Variants in CFAP47 observed in about 807,000 individuals in gnomAD.
CFAP47 encodes the protein cilia and flagella associated protein 47, also known as cilia- and flagella-associated protein 47.
Under a neutral mutation model 148.1 loss-of-function variants are expected in CFAP47, and 29 were observed. The observed-to-expected ratio is 0.20, with a 90% confidence interval of 0.15 to 0.27. The LOEUF (loss-of-function observed/expected upper bound fraction) is 0.27. Among genes scored for constraint, CFAP47 ranks in the 10% least tolerant of loss-of-function variants. The probability of loss-of-function intolerance (pLI) is 1.00; values close to 1 mark genes in which losing one functional copy is unlikely to be tolerated. For missense variants in CFAP47, 1,872 were observed against 1,697.5 expected (o/e 1.10, Z -1.81); for synonymous variants, 664 against 577.3 (o/e 1.15, Z -2.15).
intron 57 of CFAP47, among the ~76,000 whole-genome samples, chrX:36,327,416 G>A (rs1286467705): frequency 8.9e-6 from 1 of 111,835 alleles, no homozygotes; most frequent in Non-Finnish European, 1.9e-5. Context: ...CCACAAGGCC[G>A]TACCATCTCA....
At chrX:35,924,397 A>G (rs1437968824) in intron 1 of CFAP47, among the ~76,000 whole-genome samples, 2 of 104,497 alleles carry the variant, frequency 1.9e-5, no homozygotes, top group African/African-American at 7.5e-5. Context: ...ATGTGTATAT[A>G]TGCACACACA....
At chrX:36,122,584 A>G (rs1938764314) in intron 33 of CFAP47, among the ~76,000 whole-genome samples, 1 of 111,745 alleles carries the variant, frequency 8.9e-6, no homozygotes, top group African/African-American at 3.3e-5. Flanking sequence ...CTGCTATTAA[A>G]GGACTTTGAT....
chrX:36,326,488 A>ATGGC (rs1244232482), intron 57 of CFAP47, among the ~76,000 whole-genome samples: 1 of 112,067 alleles, frequency 8.9e-6, no homozygotes, highest in South Asian at 3.7e-4. Context: ...AACTTGTTGA[A>ATGGC]TGGCTTTGAT....
At chrX:36,141,802 A>AT (rs201809166) in intron 35 of CFAP47, among the ~76,000 whole-genome samples, 11,652 of 111,446 alleles carry the variant, frequency 0.1, 1,206 homozygotes, top group African/African-American at 0.32. Context: ...TGACCTACAG[A>AT]GTGTTTTAGG....
chrX:36,138,132 T>C (rs1260650335), intron 34 of CFAP47, 77 bp downstream of exon 34: 4 of 549,906 alleles, frequency 7.3e-6, no homozygotes, highest in Non-Finnish European at 1.2e-5. Flanking sequence ...GTGTATTTTC[T>C]GTAAACAGAT....
At chrX:36,145,572 G>A (rs892022496) in intron 36 of CFAP47, among the ~76,000 whole-genome samples, 1 of 111,866 alleles carries the variant, frequency 8.9e-6, no homozygotes, top group Non-Finnish European at 1.9e-5. Context: ...GCAATGAAAT[G>A]ATGACTCTTT....
At chrX:36,088,424 G>T in intron 30 of CFAP47, among the ~76,000 whole-genome samples, 1 of 111,274 alleles carries the variant, frequency 9.0e-6, no homozygotes, top group Non-Finnish European at 1.9e-5. Context: ...CTTAAAGGAT[G>T]TTATTAAGGT....
chrX:36,115,788 G>A (rs1938630270), intron 33 of CFAP47, among the ~76,000 whole-genome samples: 1 of 111,592 alleles, frequency 9.0e-6, no homozygotes, highest in Admixed American at 9.5e-5. Context: ...CATTTCCATA[G>A]CATTCCTGTG....
chrX:36,053,382 C>A (rs1324069545), intron 26 of CFAP47, among the ~76,000 whole-genome samples: 1 of 111,700 alleles, frequency 9.0e-6, no homozygotes, highest in African/African-American at 3.3e-5. Flanking sequence ...ATCTTAGTAT[C>A]CATTTAATTG....
At chrX:36,374,872 G>C in intron 62 of CFAP47, 1 of 1,041,313 alleles carries the variant, frequency 9.6e-7, no homozygotes, top group Non-Finnish European at 1.3e-6. Flanking sequence ...AGCTGAGGTT[G>C]TCAGTATAAT....
intron 48 of CFAP47, among the ~76,000 whole-genome samples, chrX:36,239,175 T>C (rs886894509): frequency 1.8e-5 from 2 of 112,062 alleles, no homozygotes; most frequent in Non-Finnish European, 1.9e-5. Flanking sequence ...AATTATATAA[T>C]AAAGAAGACA....
At chrX:36,051,831 A>G (rs1185107840) in intron 26 of CFAP47, among the ~76,000 whole-genome samples, 1 of 111,243 alleles carries the variant, frequency 9.0e-6, no homozygotes, top group Non-Finnish European at 1.9e-5. Flanking sequence ...TGTAGCTCCC[A>G]TAATCCCCAT....
chrX:36,151,970 G>C (rs756906025), intron 37 of CFAP47, among the ~76,000 whole-genome samples: 2 of 111,033 alleles, frequency 1.8e-5, no homozygotes, highest in Non-Finnish European at 3.8e-5. Context: ...GTGTCTTCAC[G>C]TGGTGGTAGG....
In CFAP47 at chrX:36,149,240, A is replaced by G. The variant is rs1939275666; in HGVS notation, c.5786+17A>G. 6.9e-6 allele frequency: 2 copies of G among 290,595 alleles called. No homozygotes were observed. Among genetic ancestry groups the G allele is most frequent in the Middle Eastern group, 9.0e-4 (1 of 1,107 alleles). The allele number at this position is 290,595 out of a possible 1,213,427, so 23.9% of individuals were successfully genotyped here. A position where few individuals can be genotyped will look rare whatever the true frequency, so the allele number is the denominator to read the frequency against. The stretch of plus-strand genomic sequence containing the variant: ...TTCTCCAAGGTAAGTATTTTTTTTA[A>G]TTTTACATTATCAGACATATCAACC... On this transcript the variant is annotated intron_variant, in intron 37 of 63. Coordinates refer to ENST00000378653, the MANE Select transcript of CFAP47 (RefSeq NM_001304548.2).
chrX:36,169,938 A>C (rs149668927), intron 39 of CFAP47, among the ~76,000 whole-genome samples: 1,354 of 112,198 alleles, frequency 0.012, 41 homozygotes, highest in Admixed American at 0.09. Flanking sequence ...TCCAGGAAGC[A>C]GCAAGACAGG....
At chrX:35,990,128 TATTCATTTGTTTGTC>T (rs1235632061) in intron 16 of CFAP47, 1 of 112,138 alleles carries the variant, frequency 8.9e-6, no homozygotes, top group African/African-American at 3.2e-5. Flanking sequence ...TTAAATAAAA[TATTCATTTGTTTGTC>T]ATTCATATAC....
chrX:36,178,070 T>C (rs1939707210), intron 39 of CFAP47, among the ~76,000 whole-genome samples: 1 of 111,611 alleles, frequency 9.0e-6, no homozygotes, highest in African/African-American at 3.3e-5. Context: ...CCTAAGAGAA[T>C]TGATGCAGAA....
Position 36,175,276 on chromosome X carries a change from C to T in CFAP47, c.6027-4069C>T, listed in dbSNP as rs1012248848. 2.7e-5 allele frequency among the ~76,000 whole-genome samples: 3 copies of T among 111,992 alleles called. No individual in the cohort carries two copies. In the South Asian group the frequency reaches 1.1e-3, roughly 42 times the overall value. On this transcript the variant is annotated intron_variant, in intron 39 of 63. Coordinates refer to ENST00000378653, the MANE Select transcript of CFAP47 (RefSeq NM_001304548.2). ...CTCCCATAGCTCAGAGCAATTTGAT[C>T]GTCTGAAGCCTTCTTCTCTCAGCTC...
chrX:36,145,975 G>A (rs1370162263), intron 36 of CFAP47, among the ~76,000 whole-genome samples: 2 of 110,332 alleles, frequency 1.8e-5, no homozygotes, highest in African/African-American at 6.6e-5. Context: ...GTTTGTGTTA[G>A]TAAATACTGA....
Sources: allele counts gnomAD v4.1 joint callset (sites outside exome capture counted in the v4.1 genomes callset), GRCh38; gene constraint gnomAD v4.1.1; transcripts MANE v1.5; gene names NCBI Gene and HGNC (gene_info 2026-07-23, HGNC 2026-07-21).